EIF3E: variants seen among roughly 807,000 people sequenced by gnomAD.
EIF3E encodes eukaryotic translation initiation factor 3 subunit E.
A neutral mutation model predicts 59.3 loss-of-function variants in EIF3E; 25 were observed. The ratio of observed to expected loss-of-function variants is 0.42; its 90% confidence interval spans 0.31 to 0.59. The LOEUF (loss-of-function observed/expected upper bound fraction) is 0.59. EIF3E is among the 20% of genes least tolerant of loss of function. The probability of loss-of-function intolerance (pLI) is 0.15; values close to 1 mark genes in which losing one functional copy is unlikely to be tolerated. For synonymous variants in EIF3E, 176 were observed against 170.2 expected (o/e 1.03, Z -0.26); for missense variants, 317 against 534.3 (o/e 0.59, Z 4.01).
intron 1 of EIF3E, among the ~76,000 whole-genome samples, chr8:108,244,966 C>G (rs190941712): frequency 6.6e-6 from 1 of 151,864 alleles, no homozygotes. Context: ...AGCCTTCTAC[C>G]GCTCCTCGCC....
intron 5 of EIF3E, among the ~76,000 whole-genome samples, chr8:108,229,905 A>G (rs1815589927): frequency 2.0e-5 from 3 of 152,198 alleles, no homozygotes; most frequent in African/African-American, 7.2e-5. Flanking sequence ...ACCTAAAAAA[A>G]GAGGGGACTA....
chr8:108,205,541 A>C (rs917188270), intron 10 of EIF3E, among the ~76,000 whole-genome samples: 3 of 152,168 alleles, frequency 2.0e-5, no homozygotes, highest in Admixed American at 6.5e-5. Context: ...ATCAGCAGTC[A>C]ATCCCAGTCT....
chr8:108,214,503 A>T, intron 10 of EIF3E, 104 bp downstream of exon 10: 1 of 859,276 alleles, frequency 1.2e-6, no homozygotes, highest in Non-Finnish European at 1.7e-6. Flanking sequence ...AAAAATAAAT[A>T]AAAATCCAAT....
At position 108,214,670 on chromosome 8, in the gene EIF3E, A is replaced by C. The variant is rs759845879; in HGVS notation, c.998T>G (p.Ile333Ser). Residue 333 changes from isoleucine (I) to serine (S), a missense_variant, in exon 10 of 13, where the codon ATT (isoleucine) becomes AGT (serine). Physicochemically the swap from Ile to Ser is moderately radical, Grantham distance 142. Transcript: ENST00000220849. ...AAATATGAAGAGACGGGCATTTTCA[A>C]TGAAATCCTCAAGACAAGCCACCAA... Reference protein sequence around the residue: ...FFLVACLEDFIENARLFIFET... With the variant: ...FFLVACLEDFSENARLFIFET... 6.2e-7 allele frequency: 1 copy of C among 1,612,276 alleles called. No homozygotes were observed. Among genetic ancestry groups the C allele is most frequent in the Non-Finnish European group, 8.5e-7 (1 of 1,179,584 alleles).
chr8:108,228,426 T>G, intron 6 of EIF3E, 35 bp from the exon 7 acceptor site: 1 of 1,392,728 alleles, frequency 7.2e-7, no homozygotes, highest in Non-Finnish European at 9.4e-7. Flanking sequence ...TAAAAAATAT[T>G]AATATATAAG....
chr8:108,234,960 CAAAAAAAAA>C lies in EIF3E; in HGVS notation c.471+29_471+37del, dbSNP rs3075616. 2.1e-5 allele frequency: 18 copies of C among 873,922 alleles called. No homozygotes were observed. The South Asian group carries it at 2.6e-4, about 13-fold the overall frequency. 54.1% of individuals were successfully genotyped at this position (873,922 alleles called of 1,614,324 possible). The stretch of plus-strand genomic sequence containing the variant: ...AGAACCAAGGGAATCCTACAAAAGA[CAAAAAAAAA>C]AAAAAAAAAAACATGTACTTATACT... On this transcript the variant is annotated intron_variant, in intron 5 of 12. Transcript: ENST00000220849.
At chr8:108,242,657 G>C in intron 1 of EIF3E, 1 of 1,137,566 alleles carries the variant, frequency 8.8e-7, no homozygotes, top group Non-Finnish European at 1.1e-6. Context: ...TTAGCCATGA[G>C]AGCAAAATCG....
intron 10 of EIF3E, among the ~76,000 whole-genome samples, chr8:108,210,656 T>C (rs1471829410): frequency 6.6e-6 from 1 of 152,212 alleles, no homozygotes; most frequent in Non-Finnish European, 1.5e-5. Flanking sequence ...TGCAGGTTTG[T>C]TACATATGCA....
intron 5 of EIF3E, chr8:108,233,291 T>C (rs533851931): frequency 4.6e-5 from 7 of 152,300 alleles, no homozygotes; most frequent in East Asian, 1.9e-4. Context: ...AAAAGTGAAG[T>C]TGTCTATGCA....
At position 108,240,038 on chromosome 8, in the gene EIF3E, C is replaced by T. The variant is rs768654722; in HGVS notation, c.243G>A (p.Leu81=). 6.2e-6 allele frequency: 10 copies of T among 1,614,032 alleles called. No homozygotes were observed. The South Asian group carries it at 9.9e-5, about 16-fold the overall frequency. The change falls in exon 3 of 13, where the codon CTG becomes CTA. Residue 81 remains leucine, a synonymous_variant. Coordinates refer to ENST00000220849, the MANE Select transcript of EIF3E (RefSeq NM_001568.3). ...REKRTTVVAQ[L]KQLQAETEPI... ...GTTCTGTTTCTGCCTGAAGCTGTTTCAGTTGTGCAACCACTGTGGTTCTTT... is the reference window on the plus strand; with the variant it reads ...GTTCTGTTTCTGCCTGAAGCTGTTTTAGTTGTGCAACCACTGTGGTTCTTT...
chr8:108,221,396 T>C (rs1287842895), intron 7 of EIF3E: 2 of 152,226 alleles, frequency 1.3e-5, no homozygotes, highest in Non-Finnish European at 2.9e-5. Context: ...TTATAATTTT[T>C]CTGACAGTTG....
intron 1 of EIF3E, among the ~76,000 whole-genome samples, chr8:108,244,633 T>C (rs1815910392): frequency 6.6e-6 from 1 of 152,164 alleles, no homozygotes; most frequent in Admixed American, 6.5e-5. Context: ...ATCTTCATCA[T>C]CTCAGACTTT....
At chr8:108,236,290 CAA>C (rs1815728247) in intron 3 of EIF3E, 87 bp from the exon 4 acceptor site, 6 of 940,370 alleles carry the variant, frequency 6.4e-6, no homozygotes, top group African/African-American at 1.7e-5. Context: ...ATTACCTACG[CAA>C]AGTCACCTTA....
intron 10 of EIF3E, among the ~76,000 whole-genome samples, chr8:108,211,337 C>CT (rs1303031946): frequency 2.0e-5 from 3 of 151,486 alleles, no homozygotes; most frequent in South Asian, 2.1e-4. Context: ...TTGCATTTCT[C>CT]TGATGGCCAG....
chr8:108,218,330 C>T lies in EIF3E; in HGVS notation c.723-870G>A, dbSNP rs560240689. Reference sequence around the variant, plus strand: ...CAGATTGGTCTCCCAAATACATACCCCTGAAAGCCTAAATCCTAGCCATCC... The same window carrying T: ...CAGATTGGTCTCCCAAATACATACCTCTGAAAGCCTAAATCCTAGCCATCC... On this transcript the variant is annotated intron_variant, in intron 7 of 12. Transcript: ENST00000220849. 3.3e-5 allele frequency among the ~76,000 whole-genome samples: 5 copies of T among 152,280 alleles called. No individual in the cohort carries two copies. In the South Asian group the frequency reaches 1.0e-3, roughly 32 times the overall value.
chr8:108,243,206 T>C (rs1234031493), intron 1 of EIF3E: 1 of 152,200 alleles, frequency 6.6e-6, no homozygotes, highest in Non-Finnish European at 1.5e-5. Flanking sequence ...AAAGATGTCA[T>C]ACAAAGCAGT....
chr8:108,217,483 T>C (rs745965952), intron 7 of EIF3E, 23 bp from the exon 8 acceptor site: 2 of 1,562,376 alleles, frequency 1.3e-6, no homozygotes, highest in African/African-American at 2.8e-5. Context: ...ATAAAAGTTA[T>C]TTAATAACTT....
intron 7 of EIF3E, 55 bp from the exon 8 acceptor site, chr8:108,217,515 A>C: frequency 6.9e-7 from 1 of 1,448,938 alleles, no homozygotes; most frequent in East Asian, 2.5e-5. Flanking sequence ...GATAAAGAAA[A>C]CTCTCGAGCA....
intron 2 of EIF3E, 43 bp from the exon 3 acceptor site, chr8:108,240,118 T>TA (rs1343425887): frequency 1.4e-6 from 2 of 1,461,534 alleles, no homozygotes; most frequent in Middle Eastern, 3.5e-4. Flanking sequence ...TAAGGAATGT[T>TA]AAATTGTGCT....
Sources: allele counts gnomAD v4.1 joint callset (sites outside exome capture counted in the v4.1 genomes callset), GRCh38; gene constraint gnomAD v4.1.1; transcripts MANE v1.5; gene names NCBI Gene and HGNC (gene_info 2026-07-23, HGNC 2026-07-21).